Variants in LDB2 observed in about 807,000 individuals in gnomAD.
LDB2 encodes the protein LIM domain binding 2, also known as LIM domain-binding protein 2.
In LDB2, 12 loss-of-function variants were observed where a neutral mutation model predicts 44.3. The ratio of observed to expected loss-of-function variants is 0.27; its 90% CI spans 0.17 to 0.44. The LOEUF is 0.44. Among genes scored for constraint, LDB2 ranks in the 20% least tolerant of loss-of-function variants. LDB2 has a pLI of 1.00. For missense variants in LDB2, 344 were observed against 473.5 expected (o/e 0.73, Z 2.54); for synonymous variants, 164 against 174.8 (o/e 0.94, Z 0.49).
At chr4:16,616,662 T>C (rs748979336) in intron 2 of LDB2, among the ~76,000 whole-genome samples, 2 of 141,612 alleles carry the variant, frequency 1.4e-5, no homozygotes, top group African/African-American at 2.7e-5. Context: ...GCCCTGGTGC[T>C]GTATGACTCT....
chr4:16,621,052 T>C (rs1254519107), intron 2 of LDB2, among the ~76,000 whole-genome samples: 2 of 152,228 alleles, frequency 1.3e-5, no homozygotes, highest in African/African-American at 4.8e-5. Context: ...CAAACTCTTT[T>C]CACACATCTA....
intron 3 of LDB2, among the ~76,000 whole-genome samples, chr4:16,590,051 T>C (rs752348129): frequency 6.6e-6 from 1 of 152,178 alleles, no homozygotes; most frequent in Admixed American, 6.5e-5. Flanking sequence ...ATAAAAAGAA[T>C]GCTACCCAAG....
chr4:16,512,173 A>G (rs1295192420), intron 5 of LDB2, 69 bp from the exon 6 acceptor site: 5 of 1,374,776 alleles, frequency 3.6e-6, no homozygotes, highest in Non-Finnish European at 4.9e-6. Context: ...TAATGCTAAC[A>G]GCTGGAATCA....
intron 5 of LDB2, among the ~76,000 whole-genome samples, chr4:16,519,630 GT>G (rs1016283069): frequency 1.3e-5 from 2 of 148,920 alleles, no homozygotes; most frequent in Non-Finnish European, 3.0e-5. Flanking sequence ...AGAGAGGTAG[GT>G]GATGCAGAAG....
chr4:16,691,109 A>T (rs145428066), intron 2 of LDB2, among the ~76,000 whole-genome samples: 1 of 152,282 alleles, frequency 6.6e-6, no homozygotes, highest in East Asian at 1.9e-4. Flanking sequence ...TGAGGAAACC[A>T]TGATGAGATA....
intron 5 of LDB2, among the ~76,000 whole-genome samples, chr4:16,538,262 A>G (rs2152317689): frequency 6.6e-6 from 1 of 152,280 alleles, no homozygotes; most frequent in African/African-American, 2.4e-5. Flanking sequence ...TGGCATTAAG[A>G]ATCAAGACTG....
chr4:16,557,933 C>G (rs920878178), intron 5 of LDB2, among the ~76,000 whole-genome samples: 1 of 152,316 alleles, frequency 6.6e-6, no homozygotes, highest in East Asian at 1.9e-4. Flanking sequence ...CTGCAGACAC[C>G]GCTGCTGATA....
intron 5 of LDB2, among the ~76,000 whole-genome samples, chr4:16,534,907 A>G (rs566877787): frequency 3.4e-4 from 51 of 152,218 alleles, no homozygotes; most frequent in African/African-American, 1.1e-3. Context: ...TGGCCACCCC[A>G]TCCTAGTGTC....
intron 1 of LDB2, among the ~76,000 whole-genome samples, chr4:16,889,814 C>T (rs750393327): frequency 3.3e-5 from 5 of 152,084 alleles, no homozygotes; most frequent in Non-Finnish European, 7.4e-5. Context: ...ATACAGGCTT[C>T]CAATAATTCC....
chr4:16,686,062 C>A (rs1326423185), intron 2 of LDB2, among the ~76,000 whole-genome samples: 3 of 151,890 alleles, frequency 2.0e-5, no homozygotes, highest in South Asian at 2.1e-4. Context: ...AAAAAAAAGG[C>A]AAAAGTCAAA....
intron 1 of LDB2, among the ~76,000 whole-genome samples, chr4:16,870,620 G>C (rs925704046): frequency 7.0e-6 from 1 of 143,442 alleles, no homozygotes; most frequent in Admixed American, 7.4e-5. Flanking sequence ...TCACTTCCTT[G>C]CATTCTCTTT....
intron 2 of LDB2, among the ~76,000 whole-genome samples, chr4:16,666,301 C>A (rs1743190314): frequency 6.6e-6 from 1 of 152,184 alleles, no homozygotes; most frequent in Admixed American, 6.5e-5. Flanking sequence ...AGAGTTGAAG[C>A]CTCGCCAAGC....
chr4:16,625,211 A>G (rs761186362), intron 2 of LDB2, among the ~76,000 whole-genome samples: 1 of 152,200 alleles, frequency 6.6e-6, no homozygotes, highest in Non-Finnish European at 1.5e-5. Context: ...CCAGCAGCAC[A>G]GAACTTCTTA....
intron 1 of LDB2, among the ~76,000 whole-genome samples, chr4:16,764,246 T>C (rs1223838461): frequency 3.9e-5 from 6 of 152,200 alleles, no homozygotes; most frequent in South Asian, 2.1e-4. Context: ...TCGGAGTTCA[T>C]ACCCTTTTTC....
intron 5 of LDB2, among the ~76,000 whole-genome samples, chr4:16,515,795 A>C (rs1398599256): frequency 1.3e-5 from 2 of 152,166 alleles, no homozygotes; most frequent in Non-Finnish European, 1.5e-5. Flanking sequence ...AGTGGAACAA[A>C]CATGGATTTA....
chr4:16,877,476 T>C (rs1244443578), intron 1 of LDB2, among the ~76,000 whole-genome samples: 1 of 152,234 alleles, frequency 6.6e-6, no homozygotes, highest in Non-Finnish European at 1.5e-5. Flanking sequence ...GGAAAGTCAA[T>C]GCATCCATAA....
chr4:16,540,807 C>A (rs1281769457), intron 5 of LDB2, among the ~76,000 whole-genome samples: 1 of 152,160 alleles, frequency 6.6e-6, no homozygotes, highest in Admixed American at 6.5e-5. Flanking sequence ...GATATCATTT[C>A]ATGTCAGATG....
intron 5 of LDB2, among the ~76,000 whole-genome samples, chr4:16,515,814 G>A (rs1385138873): frequency 6.6e-6 from 1 of 151,870 alleles, no homozygotes; most frequent in East Asian, 1.9e-4. Flanking sequence ...TACAAGCTAA[G>A]AAGTCTAGGT....
intron 5 of LDB2, among the ~76,000 whole-genome samples, chr4:16,557,444 A>G: frequency 6.6e-6 from 1 of 152,172 alleles, no homozygotes; most frequent in South Asian, 2.1e-4. Context: ...CGCCCACGGA[A>G]TCTCGCTGAT....
Sources: gnomAD v4.1 joint callset for allele counts (sites outside exome capture counted in the v4.1 genomes callset) on GRCh38, gnomAD v4.1.1 for gene constraint, MANE v1.5 for transcripts, NCBI Gene and HGNC (gene_info 2026-07-23, HGNC 2026-07-21) for gene names.